GAREM1: variants seen among roughly 807,000 people sequenced by gnomAD.
GAREM1 encodes the protein GRB2-associated and regulator of MAPK protein 1.
A neutral mutation model predicts 71.3 loss-of-function variants in GAREM1; 26 were observed. That is an observed-to-expected ratio of 0.36 (90% confidence interval 0.27 to 0.51). GAREM1 has a LOEUF of 0.51. GAREM1 is among the 20% of genes least tolerant of loss of function. The pLI is 0.95. For missense variants in GAREM1, 1,026 were observed against 1,103.1 expected (o/e 0.93, Z 0.99); for synonymous variants, 440 against 433.2 (o/e 1.02, Z -0.20).
At chr18:32,301,544 A>T (rs1249895460) in intron 3 of GAREM1, among the ~76,000 whole-genome samples, 1 of 152,194 alleles carries the variant, frequency 6.6e-6, no homozygotes. Flanking sequence ...CCTCCATTCA[A>T]CTTTTGGACT....
chr18:32,283,879 T>C (rs1182829621), intron 4 of GAREM1, among the ~76,000 whole-genome samples: 1 of 152,118 alleles, frequency 6.6e-6, no homozygotes, highest in Admixed American at 6.5e-5. Context: ...CATGGCACCT[T>C]CTATTTCTAA....
intron 2 of GAREM1, among the ~76,000 whole-genome samples, chr18:32,324,442 T>C (rs1446257057): frequency 6.6e-6 from 1 of 152,148 alleles, no homozygotes; most frequent in Non-Finnish European, 1.5e-5. Context: ...AGCAGCTGCT[T>C]GAGCTGTGGT....
At chr18:32,424,111 A>C (rs1169206485) in intron 1 of GAREM1, among the ~76,000 whole-genome samples, 2 of 152,004 alleles carry the variant, frequency 1.3e-5, no homozygotes, top group Non-Finnish European at 2.9e-5. Context: ...GATCCAGCCC[A>C]GAGAACATAG....
rs750686339 is a variant in GAREM1, at chr18:32,270,283, G to A, written c.1667C>T (p.Pro556Leu). ...GGGAGAGCGAGTCTGTTGCCGCGCT[G>A]GCTTGACTGTGCGAGGAGGGATGGA... ...SPSIPPRTVK[P>L]ARQQTRSPSP... Residue 556 changes from proline to leucine, a missense_variant, in exon 5 of 6, where the codon CCA (proline) becomes CTA (leucine). Pro to Leu is a moderately conservative substitution (Grantham distance 98). Coordinates refer to ENST00000269209, the MANE Select transcript of GAREM1 (RefSeq NM_001242409.2). 6.2e-7 allele frequency: 1 copy of A among 1,614,036 alleles called. No individual in the cohort carries two copies. Among genetic ancestry groups the A allele is most frequent in the South Asian group, 1.1e-5 (1 of 91,032 alleles).
Position 32,268,131 on chromosome 18 carries a change from G to A in GAREM1, c.2371C>T (p.Leu791=). ...CCGTCGCCACAGGATCTGGGGGCCAGCTGGAGATGGAGCGGAGATGAGAAA... is the reference window on the plus strand; with the variant it reads ...CCGTCGCCACAGGATCTGGGGGCCAACTGGAGATGGAGCGGAGATGAGAAA... ...YPFSSPLHLQ[L]APRSCGDGSP... Residue 791 remains leucine (L), a synonymous_variant, in exon 6 of 6, where the codon CTG becomes TTG. Coordinates refer to ENST00000269209, the MANE Select transcript of GAREM1 (RefSeq NM_001242409.2). 3.1e-6 allele frequency: 5 copies of A among 1,614,146 alleles called. No individual in the cohort carries two copies. Among genetic ancestry groups the A allele is most frequent in the Non-Finnish European group, 4.2e-6 (5 of 1,180,034 alleles).
intron 4 of GAREM1, among the ~76,000 whole-genome samples, chr18:32,271,473 T>C (rs924955413): frequency 5.9e-5 from 9 of 152,124 alleles, no homozygotes; most frequent in Admixed American, 1.3e-4. Flanking sequence ...GTATGAGACA[T>C]TGAGCCAGGC....
intron 2 of GAREM1, among the ~76,000 whole-genome samples, chr18:32,389,366 T>A (rs1056305435): frequency 6.6e-6 from 1 of 152,192 alleles, no homozygotes. Flanking sequence ...GCTTACTTAG[T>A]GGTAAACACT....
At chr18:32,468,966 C>CG (rs1194643796) in intron 1 of GAREM1, among the ~76,000 whole-genome samples, 1 of 131,990 alleles carries the variant, frequency 7.6e-6, no homozygotes, top group Non-Finnish European at 1.6e-5. Flanking sequence ...TGCGTCCCCC[C>CG]CCCCCGCCCC....
At chr18:32,339,791 C>A (rs1290194309) in intron 2 of GAREM1, among the ~76,000 whole-genome samples, 2 of 152,170 alleles carry the variant, frequency 1.3e-5, no homozygotes, top group Non-Finnish European at 2.9e-5. Flanking sequence ...ACCGGGAACG[C>A]GGAAGTCATC....
At chr18:32,396,154 G>C (rs112372485) in intron 1 of GAREM1, among the ~76,000 whole-genome samples, 13,273 of 152,080 alleles carry the variant, frequency 0.087, 652 homozygotes, top group African/African-American at 0.13. Flanking sequence ...ACACCAAAAC[G>C]CCATCTGTAT....
At position 32,270,414 on chromosome 18, in the gene GAREM1, A is replaced by C. The variant is rs2041443223; in HGVS notation, c.1567-31T>G. ...GCAGAAAAGAACACTCCAGGTTAGCAACAGACTGACAATGCCACGGGGCGC... is the reference window on the plus strand; with the variant it reads ...GCAGAAAAGAACACTCCAGGTTAGCCACAGACTGACAATGCCACGGGGCGC... On this transcript the variant is annotated intron_variant, in intron 4 of 5. Transcript: ENST00000269209. 3 of 1,579,532 alleles carry C rather than the reference A, an allele frequency of 1.9e-6. No homozygotes were observed. In the East Asian group the frequency reaches 6.8e-5, roughly 36 times the overall value.
At chr18:32,469,378 G>A (rs1027837008) in intron 1 of GAREM1, among the ~76,000 whole-genome samples, 1 of 152,152 alleles carries the variant, frequency 6.6e-6, no homozygotes, top group Non-Finnish European at 1.5e-5. Flanking sequence ...CTGCCCCACA[G>A]CAGGGCAGGC....
At chr18:32,333,588 A>G (rs1209197540) in intron 2 of GAREM1, among the ~76,000 whole-genome samples, 1 of 152,170 alleles carries the variant, frequency 6.6e-6, no homozygotes, top group Non-Finnish European at 1.5e-5. Flanking sequence ...TAACTTCCTG[A>G]GCCAGTATAC....
At chr18:32,351,708 T>C (rs531591335) in intron 2 of GAREM1, among the ~76,000 whole-genome samples, 45 of 152,170 alleles carry the variant, frequency 3.0e-4, no homozygotes, top group South Asian at 2.5e-3. Flanking sequence ...TCTCTTTTTT[T>C]TTTTTTTACT....
chr18:32,375,109 T>C (rs968794496), intron 2 of GAREM1, among the ~76,000 whole-genome samples: 4 of 152,214 alleles, frequency 2.6e-5, no homozygotes, highest in African/African-American at 9.7e-5. Context: ...ATGTAAATTA[T>C]AGTTTACGAA....
Position 32,470,261 on chromosome 18 carries a change from A to G in GAREM1, c.121+47T>C. The G allele has an allele frequency of 7.0e-7, 1 of 1,435,244 alleles. No homozygotes were observed. Among genetic ancestry groups the G allele is most frequent in the Non-Finnish European group, 9.2e-7 (1 of 1,086,588 alleles). 88.9% of individuals were successfully genotyped at this position (1,435,244 alleles called of 1,614,324 possible). On this transcript the variant is annotated intron_variant, in intron 1 of 5. Coordinates refer to ENST00000269209, the MANE Select transcript of GAREM1 (RefSeq NM_001242409.2). This position sits in a 1 kb window ranked among gnomAD's most constrained non-coding sequence, Gnocchi z 4.4. ...AGCACACGCGCGCACACCCGCGTGG[A>G]GACGGCTGTCCTCGCCCGTCTGCCC...
At chr18:32,423,577 C>A (rs1464179890) in intron 1 of GAREM1, among the ~76,000 whole-genome samples, 1 of 152,090 alleles carries the variant, frequency 6.6e-6, no homozygotes, top group Non-Finnish European at 1.5e-5. Flanking sequence ...TTGTCAGTGA[C>A]AATAGAAAGA....
intron 2 of GAREM1, among the ~76,000 whole-genome samples, chr18:32,358,797 C>T (rs1209950511): frequency 1.3e-5 from 2 of 152,136 alleles, no homozygotes; most frequent in Admixed American, 1.3e-4. Context: ...GTAGTAGCAA[C>T]CTCACTCAGG....
At chr18:32,320,220 A>T (rs1197217885) in intron 2 of GAREM1, among the ~76,000 whole-genome samples, 2 of 152,190 alleles carry the variant, frequency 1.3e-5, no homozygotes, top group Non-Finnish European at 1.5e-5. Flanking sequence ...TTGGGATTGT[A>T]ATTGTGTTCT....
Sources: gnomAD v4.1 joint callset for allele counts (sites outside exome capture counted in the v4.1 genomes callset) on GRCh38, gnomAD v4.1.1 for gene constraint, Gnocchi (gnomAD v3.1) non-coding constraint, MANE v1.5 for transcripts, NCBI Gene and HGNC (gene_info 2026-07-23, HGNC 2026-07-21) for gene names.